Variants in MCM9 observed in about 807,000 individuals in gnomAD.
The protein encoded by MCM9 is minichromosome maintenance 9 homologous recombination repair factor, also known as DNA helicase MCM9.
A neutral mutation model predicts 72.8 loss-of-function variants in MCM9; 55 were observed. That is an observed-to-expected ratio of 0.76 (90% CI 0.61 to 0.95). The LOEUF is 0.95. Among genes scored for constraint, MCM9 ranks in the 40% least tolerant of loss-of-function variants. The pLI is 0.00. For missense variants in MCM9, 1,279 were observed against 1,377.0 expected (o/e 0.93, Z 1.13); for synonymous variants, 480 against 503.4 (o/e 0.95, Z 0.62).
intron 8 of MCM9, among the ~76,000 whole-genome samples, chr6:118,881,557 A>C (rs1006310716): frequency 2.0e-5 from 3 of 152,170 alleles, no homozygotes; most frequent in African/African-American, 7.2e-5. Context: ...CCAAGGGAGG[A>C]AAAATGGCAC....
At position 118,843,740 on chromosome 6, in the gene MCM9, A is replaced by ATG. The variant is rs1554257168; in HGVS notation, c.1325+12629_1325+12630dup. Among the ~76,000 whole-genome samples, 20 of 129,028 alleles carry ATG rather than the reference A, an allele frequency of 1.6e-4. 1 individual carries two copies. Among genetic ancestry groups the ATG allele is most frequent in the African/African-American group, 6.2e-4 (20 of 32,266 alleles). The allele number at this position is 129,028 out of a possible 152,430, so 84.6% of individuals were successfully genotyped here. ...TATATGTATATATATATATATATAT[A>ATG]TGAGAAATTTCATGTAGCCTTGGAG... On this transcript the variant is annotated intron_variant, in intron 9 of 13. Coordinates refer to ENST00000619706, the MANE Select transcript of MCM9 (RefSeq NM_017696.3).
intron 8 of MCM9, among the ~76,000 whole-genome samples, chr6:118,882,673 T>C (rs1378515692): frequency 6.6e-6 from 1 of 151,200 alleles, no homozygotes; most frequent in Non-Finnish European, 1.5e-5. Context: ...AAGGAGAGAG[T>C]CAAGGAAAGG....
At position 118,829,099 on chromosome 6, in the gene MCM9, T is replaced by A. The variant is rs1379496828; in HGVS notation, c.1477A>T (p.Lys493Ter). The A allele has an allele frequency of 1.7e-5, 26 of 1,550,696 alleles. No homozygotes were observed. The highest frequency in any genetic ancestry group is 2.2e-5 in the Non-Finnish European group (25 of 1,147,004). ...FDLILVLLDTKNEDWDRIISS... is the reference protein window; with the variant it reads ...FDLILVLLDT The stretch of plus-strand genomic sequence containing the variant: ...ATGATACGATCCCAGTCTTCATTCT[T>A]GGTATCAAGCAAAACCAGGATCAGG... The change falls in exon 10 of 14, where the codon AAG becomes TAG. Residue 493 changes from lysine to a stop codon, truncating the protein, a stop_gained. Transcript: ENST00000619706. LOFTEE classifies it high-confidence loss of function.
intron 8 of MCM9, among the ~76,000 whole-genome samples, chr6:118,880,618 C>T (rs1476548013): frequency 1.3e-5 from 2 of 152,188 alleles, no homozygotes; most frequent in African/African-American, 4.8e-5. Flanking sequence ...ACAAAGTTGT[C>T]TCTTTGTCTC....
chr6:118,866,791 C>T (rs1329865952), intron 8 of MCM9, among the ~76,000 whole-genome samples: 1 of 152,064 alleles, frequency 6.6e-6, no homozygotes, highest in Admixed American at 6.5e-5. Context: ...ACTTCCCAAG[C>T]CTGGGTAAGA....
rs2000110 is a variant in MCM9, at chr6:118,814,263, A to T, written c.*561T>A. The T allele has an allele frequency of 0.19, 29,151 of 152,090 alleles. 3,367 individuals carry two copies. The highest frequency in any genetic ancestry group is 0.26 in the Non-Finnish European group (18,013 of 67,984). The allele number at this position is 152,090 out of a possible 1,614,324, so 9.4% of individuals were successfully genotyped here. ...TAAGGATACCTCTCAAAGAAAGAAA[A>T]GCATTAGTCACATTTAACCTGATCC... On this transcript the variant is annotated 3_prime_UTR_variant, in exon 14 of 14. Coordinates refer to ENST00000619706, the MANE Select transcript of MCM9 (RefSeq NM_017696.3).
rs1034605025 is a variant in MCM9, at chr6:118,867,041, G to GA, written c.1151-10497dup. On this transcript the variant is annotated intron_variant, in intron 8 of 13. Transcript: ENST00000619706. ...GATGATACATTCAACATCCTAAAAGGAAAAAAAAAAACCCCATCAACCAAT... is the reference window on the plus strand; with the variant it reads ...GATGATACATTCAACATCCTAAAAGGAAAAAAAAAAAACCCCATCAACCAAT... Among the ~76,000 whole-genome samples, 552 of 141,164 alleles carry GA rather than the reference G, an allele frequency of 3.9e-3. 2 individuals carry two copies. Among genetic ancestry groups the GA allele is most frequent in the African/African-American group, 0.013 (493 of 38,652 alleles). 92.6% of individuals were successfully genotyped at this position (141,164 alleles called of 152,430 possible).
chr6:118,901,090 T>G (rs1779771703), intron 8 of MCM9: 3 of 479,070 alleles, frequency 6.3e-6, no homozygotes, highest in African/African-American at 5.8e-5. Flanking sequence ...GAGATGTTAA[T>G]GTGACGTTTA....
At chr6:118,830,834 C>G (rs562528201) in intron 9 of MCM9, among the ~76,000 whole-genome samples, 1 of 152,306 alleles carries the variant, frequency 6.6e-6, no homozygotes, top group African/African-American at 2.4e-5. Context: ...AGGTACATAT[C>G]TGATCTCTGC....
At chr6:118,931,930 G>A (rs546250102) in intron 2 of MCM9, among the ~76,000 whole-genome samples, 192 bp from the exon 3 acceptor site, 1 of 152,250 alleles carries the variant, frequency 6.6e-6, no homozygotes, top group South Asian at 2.1e-4. Context: ...AAAAATGAGT[G>A]AAGTCAAATG....
chr6:118,837,067 G>A (rs925207245), intron 9 of MCM9, among the ~76,000 whole-genome samples: 18 of 152,290 alleles, frequency 1.2e-4, no homozygotes, highest in African/African-American at 4.3e-4. Context: ...ATTCTGGTAC[G>A]TTGTGACTTT....
chr6:118,872,664 T>TA (rs201482514), intron 8 of MCM9, among the ~76,000 whole-genome samples: 4 of 149,936 alleles, frequency 2.7e-5, no homozygotes, highest in South Asian at 2.1e-4. Context: ...TTTAAAAACC[T>TA]AAAAAAAAAC....
chr6:118,905,876 TA>T (rs752676280), intron 8 of MCM9: 1 of 1,405,276 alleles, frequency 7.1e-7, no homozygotes, highest in Non-Finnish European at 9.6e-7. Flanking sequence ...ATGCAATTTT[TA>T]AAGCAGTTGC....
At chr6:118,845,592 G>A (rs1267678719) in intron 9 of MCM9, among the ~76,000 whole-genome samples, 1 of 151,724 alleles carries the variant, frequency 6.6e-6, no homozygotes, top group Non-Finnish European at 1.5e-5. Flanking sequence ...AGCTCTTGAT[G>A]TTTCCTGAAC....
intron 8 of MCM9, among the ~76,000 whole-genome samples, chr6:118,896,142 C>A (rs1424257281): frequency 6.6e-6 from 1 of 151,120 alleles, no homozygotes; most frequent in Non-Finnish European, 1.5e-5. Flanking sequence ...TTCAAATAGG[C>A]CATTGATAAC....
At chr6:118,865,103 A>G (rs911956694) in intron 8 of MCM9, among the ~76,000 whole-genome samples, 6 of 152,202 alleles carry the variant, frequency 3.9e-5, no homozygotes, top group African/African-American at 1.4e-4. Context: ...GTCTGACTGT[A>G]TATTGAGCAC....
In MCM9 at chr6:118,816,251, C is replaced by G; in HGVS notation, c.2005G>C (p.Glu669Gln). 1 of 1,549,354 alleles carries G rather than the reference C, an allele frequency of 6.5e-7. No individual in the cohort carries two copies. The highest frequency in any genetic ancestry group is 8.7e-7 in the Non-Finnish European group (1 of 1,146,276). The change falls in exon 14 of 14, where the codon GAG becomes CAG. Residue 669 changes from glutamate to glutamine, a missense_variant. Glu to Gln is a conservative substitution (Grantham distance 29). Coordinates refer to ENST00000619706, the MANE Select transcript of MCM9 (RefSeq NM_017696.3). ...AAGGATCCTGGAGTAGTCTCTACCT[C>G]CAATACCCGTGGTTGGGATTGGTGC... ...SVHQSQPRVL[E>Q]VETTPGSLRN...
chr6:118,927,628 G>C (rs1389790637), intron 3 of MCM9, among the ~76,000 whole-genome samples: 1 of 150,646 alleles, frequency 6.6e-6, no homozygotes, highest in Non-Finnish European at 1.5e-5. Flanking sequence ...AGCAAGAAAA[G>C]AAAGAGAAGT....
chr6:118,893,957 C>CCA, intron 8 of MCM9: 3 of 955,282 alleles, frequency 3.1e-6, no homozygotes, highest in Non-Finnish European at 3.7e-6. Flanking sequence ...CGCGGCCACG[C>CCA]CCCCTCCGCC....
Sources: allele counts gnomAD v4.1 joint callset (sites outside exome capture counted in the v4.1 genomes callset), GRCh38; gene constraint gnomAD v4.1.1; transcripts MANE v1.5; gene names NCBI Gene and HGNC (gene_info 2026-07-23, HGNC 2026-07-21).